The following DES variants were observed in gnomAD, a reference collection of about 807,000 sequenced individuals.
DES encodes the protein cardiomyopathy, dilated 1F (autosomal dominant).
In DES, 34 loss-of-function variants were observed where a neutral mutation model predicts 55.1. The observed-to-expected ratio is 0.62, with a 90% confidence interval of 0.47 to 0.82. DES has a LOEUF of 0.82. Among genes scored for constraint, DES ranks in the 40% least tolerant of loss-of-function variants. DES has a pLI of 0.00. For missense variants in DES, 596 were observed against 645.9 expected, an observed-to-expected ratio of 0.92 and a Z score of 0.84; for synonymous variants, 259 against 270.8, an observed-to-expected ratio of 0.96 and a Z score of 0.43.
In DES at chr2:219,420,275, C is replaced by T. The variant is rs374687448; in HGVS notation, c.664C>T (p.Arg222Cys). 4 of 1,614,052 alleles carry T rather than the reference C, an allele frequency of 2.5e-6. No individual in the cohort carries two copies. Among genetic ancestry groups the T allele is most frequent in the African/African-American group, 1.3e-5 (1 of 74,908 alleles). The change falls in exon 3 of 9, where the codon CGC (arginine) becomes TGC (cysteine). Residue 222 changes from arginine (R) to cysteine (C), a missense_variant. Transcript: ENST00000373960. The surrounding 1 kb of genome is among the most constrained non-coding windows in gnomAD (Gnocchi z 6.0). ...RADVDAATLA[R>C]IDLERRIESL... ...GGACGTGGATGCAGCTACTCTAGCT[C>T]GCATTGACCTGGAGCGCAGAATTGA...
At position 219,420,626 on chromosome 2, in the gene DES, T is replaced by C; in HGVS notation, c.867T>C (p.Ile289=). ...ATGAGACCATCGCGGCTAAGAACAT[T>C]TCTGAAGCTGAGGAGTGGTACAAGT... ...AQYETIAAKN[I]SEAEEWYKSK... is the part of the protein sequence containing the mutation. Residue 289 remains isoleucine, a synonymous_variant, in exon 4 of 9, where the codon ATT becomes ATC. Transcript: ENST00000373960. The surrounding 1 kb of genome is among the most constrained non-coding windows in gnomAD (Gnocchi z 6.0). The C allele has an allele frequency of 6.2e-7, 1 of 1,613,940 alleles. No homozygotes were observed. Among genetic ancestry groups the C allele is most frequent in the Non-Finnish European group, 8.5e-7 (1 of 1,179,988 alleles).
chr2:219,425,332 G>A, intron 7 of DES: 3 of 370,778 alleles, frequency 8.1e-6, no homozygotes, highest in Non-Finnish European at 5.2e-6. Context: ...CCTGGGGGTG[G>A]AGAGGAACTA....
rs769034192 is a variant in DES at position 219,418,691 on chromosome 2, A to G, written c.229A>G (p.Thr77Ala). 1.9e-5 allele frequency: 30 copies of G among 1,570,710 alleles called. No homozygotes were observed. In the Admixed American group the frequency reaches 5.7e-4, roughly 30 times the overall value. Residue 77 changes from threonine to alanine, a missense_variant, in exon 1 of 9, where the codon ACC becomes GCC. Physicochemically the swap from Thr to Ala is moderately conservative, Grantham distance 58. Transcript: ENST00000373960. ...GCTGCGGGCCAGCCGGCTGGGGACC[A>G]CCCGCACGCCCTCCTCCTACGGCGC... ...GSLRASRLGT[T>A]RTPSSYGAGE...
At position 219,426,056 on chromosome 2, in the gene DES, C is replaced by T. The variant is rs1212449112; in HGVS notation, c.*66C>T. The stretch of plus-strand genomic sequence containing the variant: ...GTCCTCACTGCTCCCTGAAGCCAGC[C>T]TTCTTCCATCCCAGGACACCACACC... On this transcript the variant is annotated 3_prime_UTR_variant, in exon 9 of 9. Coordinates refer to ENST00000373960, the MANE Select transcript of DES (RefSeq NM_001927.4). The surrounding 1 kb of genome is among the most constrained non-coding windows in gnomAD (Gnocchi z 4.5). 7 of 1,577,444 alleles carry T rather than the reference C, an allele frequency of 4.4e-6. No homozygotes were observed. The highest frequency in any genetic ancestry group is 6.1e-6 in the Non-Finnish European group (7 of 1,149,332).
Position 219,419,873 on chromosome 2 carries a change from A to T in DES, c.579-222A>T, listed in dbSNP as rs1954400524. Among the ~76,000 whole-genome samples the T allele has an allele frequency of 3.3e-5, 5 of 152,112 alleles. No homozygotes were observed. The South Asian group carries it at 1.0e-3, about 32-fold the overall frequency. ...AGGGAGGTCACACAGTCTGGTGGGG[A>T]CATAGACTTCAAGGGTGTGGCTCCT... On this transcript the variant is annotated intron_variant, in intron 1 of 8. Coordinates refer to ENST00000373960, the MANE Select transcript of DES (RefSeq NM_001927.4). The surrounding 1 kb of genome is among the most constrained non-coding windows in gnomAD (Gnocchi z 4.3).
At chr2:219,422,046 A>G (rs2125169353) in intron 6 of DES, among the ~76,000 whole-genome samples, 1 of 152,344 alleles carries the variant, frequency 6.6e-6, no homozygotes, top group South Asian at 2.1e-4. Context: ...AAAGCAATTT[A>G]ATTAACAGCA....
chr2:219,418,654 G>C lies in DES; in HGVS notation c.192G>C (p.Gly64=). The C allele has an allele frequency of 1.3e-6, 2 of 1,593,272 alleles. No homozygotes were observed. Among genetic ancestry groups the C allele is most frequent in the Non-Finnish European group, 1.7e-6 (2 of 1,170,396 alleles). Residue 64 remains glycine (G), a synonymous_variant, in exon 1 of 9, where the codon GGG becomes GGC. Transcript: ENST00000373960. ...TGTCGCGCACGTCGGGCGGGGCCGG[G>C]GGCCTGGGGTCGCTGCGGGCCAGCC... ...YQVSRTSGGA[G]GLGSLRASRL...
Position 219,419,145 on chromosome 2 carries a change from G to C in DES, c.578+105G>C. 1.3e-6 allele frequency: 2 copies of C among 1,528,392 alleles called. No homozygotes were observed. Among genetic ancestry groups the C allele is most frequent in the Non-Finnish European group, 1.7e-6 (2 of 1,143,320 alleles). 94.7% of individuals were successfully genotyped at this position (1,528,392 alleles called of 1,614,324 possible). On this transcript the variant is annotated intron_variant, in intron 1 of 8. Transcript: ENST00000373960. This position sits in a 1 kb window ranked among gnomAD's most constrained non-coding sequence, Gnocchi z 4.3. Reference sequence around the variant, plus strand: ...CAGCACCTGCCTTCTCCCGGGGCCCGGGACCCTCTCCTGCCCCATGTGGAG... The same window carrying C: ...CAGCACCTGCCTTCTCCCGGGGCCCCGGACCCTCTCCTGCCCCATGTGGAG...
chr2:219,426,028 C>T lies in DES; in HGVS notation c.*38C>T, dbSNP rs1954529989. On this transcript the variant is annotated 3_prime_UTR_variant, in exon 9 of 9. Coordinates refer to ENST00000373960, the MANE Select transcript of DES (RefSeq NM_001927.4). This position sits in a 1 kb window ranked among gnomAD's most constrained non-coding sequence, Gnocchi z 4.5. ...TCTGCCACCAGAGACCGTCCTCACC[C>T]CTGTCCTCACTGCTCCCTGAAGCCA... 5 of 1,611,746 alleles carry T rather than the reference C, an allele frequency of 3.1e-6. No individual in the cohort carries two copies. The highest frequency in any genetic ancestry group is 3.4e-6 in the Non-Finnish European group (4 of 1,178,146).
chr2:219,425,552 G>T lies in DES; in HGVS notation c.1289-111G>T, dbSNP rs1954519562. The T allele has an allele frequency of 2.2e-5, 19 of 882,736 alleles. No individual in the cohort carries two copies. The Admixed American group carries it at 3.4e-4, about 16-fold the overall frequency. 54.7% of individuals were successfully genotyped at this position (882,736 alleles called of 1,614,324 possible). A position where few individuals can be genotyped will look rare whatever the true frequency, so the allele number is the denominator to read the frequency against. On this transcript the variant is annotated intron_variant, in intron 7 of 8. Transcript: ENST00000373960. ...GAAGTAACAAGCCTGTCTTGAGGGG[G>T]GTTGGGGTCTGCTAGGGCTCTGCCC...
In DES at chr2:219,419,035, G is replaced by C. The variant is rs1954384403; in HGVS notation, c.573G>C (p.Lys191Asn). 1 of 1,539,966 alleles carries C rather than the reference G, an allele frequency of 6.5e-7. No homozygotes were observed. The highest frequency in any genetic ancestry group is 1.2e-5 in the South Asian group (1 of 84,068). ...DNLLDDLQRL[K>N]AKLQEEIQLK... is the part of the protein sequence containing the mutation. ...TGCTCGACGACCTGCAGCGGCTCAA[G>C]GCCAAGTGAGGGCCCGGCACCCCAG... The change falls in exon 1 of 9, where the codon AAG becomes AAC. Residue 191 changes from lysine (K) to asparagine (N), a missense_variant. Lys to Asn is a moderately conservative substitution (Grantham distance 94, BLOSUM62 0). Transcript: ENST00000373960. The surrounding 1 kb of genome is among the most constrained non-coding windows in gnomAD (Gnocchi z 4.3).
chr2:219,420,118 AG>A lies in DES; in HGVS notation c.604del (p.Glu202LysfsTer19). On this transcript the variant is annotated frameshift_variant, in exon 2 of 9. Transcript: ENST00000373960. LOFTEE classifies it high-confidence loss of function. The surrounding 1 kb of genome is among the most constrained non-coding windows in gnomAD (Gnocchi z 6.0). ...AGGCTGCAGGAGGAGATTCAGTTGA[AG>A]GAAGAAGCAGAGAACAATTTGGCTG... The part of the protein sequence containing the change: ...KAKLQEEIQL[K>X]EEAENNLAAF... The A allele has an allele frequency of 6.2e-7, 1 of 1,614,196 alleles. No homozygotes were observed. The highest frequency in any genetic ancestry group is 8.5e-7 in the Non-Finnish European group (1 of 1,180,028).
At position 219,420,174 on chromosome 2, in the gene DES, C is replaced by A. The variant is rs1954408073; in HGVS notation, c.639+19C>A. On this transcript the variant is annotated intron_variant, in intron 2 of 8. Transcript: ENST00000373960. This position sits in a 1 kb window ranked among gnomAD's most constrained non-coding sequence, Gnocchi z 6.0. Reference sequence around the variant, plus strand: ...CCGAGCGGTGAGTGCCCTTCTTTTCCCCTTGCATGGCCTCTGGCCTTGCTC... The same window carrying A: ...CCGAGCGGTGAGTGCCCTTCTTTTCACCTTGCATGGCCTCTGGCCTTGCTC... 6.2e-7 allele frequency: 1 copy of A among 1,614,186 alleles called. No individual in the cohort carries two copies. The highest frequency in any genetic ancestry group is 1.7e-5 in the Admixed American group (1 of 60,026).
In DES at chr2:219,426,558, G is replaced by A. The variant is rs1166454562; in HGVS notation, c.*568G>A. The A allele has an allele frequency of 5.5e-6, 1 of 182,766 alleles. No homozygotes were observed. Among genetic ancestry groups the A allele is most frequent in the Admixed American group, 5.3e-5 (1 of 18,748 alleles). 11.3% of individuals were successfully genotyped at this position (182,766 alleles called of 1,614,324 possible). Reference sequence around the variant, plus strand: ...ACAAGAGGGAATCCCCGAAGGTGCTGGAGGTGGGAGCAGGAGATTGAGAAG... The same window carrying A: ...ACAAGAGGGAATCCCCGAAGGTGCTAGAGGTGGGAGCAGGAGATTGAGAAG... On this transcript the variant is annotated 3_prime_UTR_variant, in exon 9 of 9. Transcript: ENST00000373960. The surrounding 1 kb of genome is among the most constrained non-coding windows in gnomAD (Gnocchi z 4.5).
chr2:219,426,200 G>A lies in DES; in HGVS notation c.*210G>A, dbSNP rs1302198213. On this transcript the variant is annotated 3_prime_UTR_variant, in exon 9 of 9. Coordinates refer to ENST00000373960, the MANE Select transcript of DES (RefSeq NM_001927.4). The surrounding 1 kb of genome is among the most constrained non-coding windows in gnomAD (Gnocchi z 4.5). ...CAGGGCATGCCCCGGCCACCTCTGC[G>A]GACCCCAGCTGTGAGCCTTGGCTGT... 6.3e-5 allele frequency: 42 copies of A among 668,078 alleles called. 1 individual carries two copies. Among genetic ancestry groups the A allele is most frequent in the Non-Finnish European group, 1.1e-4 (41 of 370,838 alleles). The allele number at this position is 668,078 out of a possible 1,614,324, so 41.4% of individuals were successfully genotyped here. A position where few individuals can be genotyped will look rare whatever the true frequency, so the allele number is the denominator to read the frequency against.
intron 7 of DES, 172 bp from the exon 8 acceptor site, chr2:219,425,491 G>A: frequency 3.1e-6 from 2 of 651,966 alleles, no homozygotes; most frequent in Admixed American, 4.6e-5. Flanking sequence ...CCACCTGCTG[G>A]GTGCTGGGCT....
At position 219,423,805 on chromosome 2, in the gene DES, G is replaced by T; in HGVS notation, c.1273G>T (p.Ala425Ser). 1 of 1,613,876 alleles carries T rather than the reference G, an allele frequency of 6.2e-7. No individual in the cohort carries two copies. Among genetic ancestry groups the T allele is most frequent in the East Asian group, 2.2e-5 (1 of 44,862 alleles). Reference protein sequence around the residue: ...RINLPIQTYSALNFRETSPEQ... With the variant: ...RINLPIQTYSSLNFRETSPEQ... Reference sequence around the variant, plus strand: ...CAATCTCCCCATCCAGACCTACTCTGCCCTCAACTTCCGAGGTGAGTGTCT... The same window carrying T: ...CAATCTCCCCATCCAGACCTACTCTTCCCTCAACTTCCGAGGTGAGTGTCT... The change falls in exon 7 of 9, where the codon GCC becomes TCC. Residue 425 changes from alanine (A) to serine (S), a missense_variant. Ala to Ser is a moderately conservative substitution (Grantham distance 99, BLOSUM62 1). Transcript: ENST00000373960.
At chr2:219,424,098 C>T (rs189149691) in intron 7 of DES, among the ~76,000 whole-genome samples, 2 of 152,354 alleles carry the variant, frequency 1.3e-5, no homozygotes, top group Non-Finnish European at 2.9e-5. Flanking sequence ...AGGAAGCAGC[C>T]TCTGTTCTGA....
Position 219,418,432 on chromosome 2 carries a change from T to TGCGCCCGCCAGCC in DES, c.-30_-18dup, listed in dbSNP as rs794728983. On this transcript the variant is annotated 5_prime_UTR_variant, in exon 1 of 9. Transcript: ENST00000373960. Reference sequence around the variant, plus strand: ...GGCCGCCTGCCCGCCGCCTCCTCCGTGCGCCCGCCAGCCTCGCCCGCGCCG... The same window carrying TGCGCCCGCCAGCC: ...GGCCGCCTGCCCGCCGCCTCCTCCGTGCGCCCGCCAGCCGCGCCCGCCAGCCTCGCCCGCGCCG... 3.2e-3 allele frequency: 5,016 copies of TGCGCCCGCCAGCC among 1,552,212 alleles called. 173 individuals carry two copies. In the African/African-American group the frequency reaches 0.062, roughly 19 times the overall value.
Sources: gnomAD v4.1 joint callset for allele counts (sites outside exome capture counted in the v4.1 genomes callset) on GRCh38, gnomAD v4.1.1 for gene constraint, Gnocchi (gnomAD v3.1) non-coding constraint, MANE v1.5 for transcripts, NCBI Gene and HGNC (gene_info 2026-07-23, HGNC 2026-07-21) for gene names.